Variants in PTPRM observed in about 807,000 individuals in gnomAD.
PTPRM encodes the protein receptor-type tyrosine-protein phosphatase mu.
A neutral mutation model predicts 186.7 loss-of-function variants in PTPRM; 47 were observed. That is an observed-to-expected ratio of 0.25 (90% CI 0.20 to 0.32). PTPRM has a LOEUF of 0.32. PTPRM is among the 10% of genes least tolerant of loss of function. PTPRM has a pLI of 1.00. For synonymous variants in PTPRM, 668 were observed against 674.9 expected (o/e 0.99, Z 0.16); for missense variants, 1,494 against 1,865.0 (o/e 0.80, Z 3.66).
At chr18:8,157,727 G>A (rs1308759317) in intron 14 of PTPRM, among the ~76,000 whole-genome samples, 17 of 152,184 alleles carry the variant, frequency 1.1e-4, no homozygotes, top group Non-Finnish European at 1.5e-4. Context: ...CAAAGGTCCT[G>A]GGGCATCAAT....
At chr18:8,358,500 G>A (rs1257321787) in intron 23 of PTPRM, among the ~76,000 whole-genome samples, 2 of 152,178 alleles carry the variant, frequency 1.3e-5, no homozygotes, top group East Asian at 3.8e-4. Flanking sequence ...GCTGTTGCCA[G>A]TGTTAGAAAC....
At position 8,077,565 on chromosome 18, in the gene PTPRM, A is replaced by C. The variant is rs79413949; in HGVS notation, c.1551+1001A>C. 2.0e-4 allele frequency among the ~76,000 whole-genome samples: 30 copies of C among 152,336 alleles called. 1 individual carries two copies. The highest frequency in any genetic ancestry group is 7.0e-4 in the African/African-American group (29 of 41,568). On this transcript the variant is annotated intron_variant, in intron 9 of 32. Transcript: ENST00000580170. ...CTGCTTCATTGTAAAAGAATTGAAT[A>C]TTATGAAAATTCATGGCTCAGCTTT...
At chr18:8,284,999 T>G (rs2147778114) in intron 19 of PTPRM, among the ~76,000 whole-genome samples, 1 of 152,348 alleles carries the variant, frequency 6.6e-6, no homozygotes, top group Non-Finnish European at 1.5e-5. Context: ...AGATGCTGGG[T>G]GCTGAGGATG....
At chr18:8,252,019 A>G (rs1283942395) in intron 17 of PTPRM, among the ~76,000 whole-genome samples, 1 of 152,226 alleles carries the variant, frequency 6.6e-6, no homozygotes, top group Non-Finnish European at 1.5e-5. Flanking sequence ...TTAATCTAAT[A>G]GCATTTCCCT....
intron 15 of PTPRM, among the ~76,000 whole-genome samples, chr18:8,246,950 C>A (rs2094482657): frequency 6.6e-6 from 1 of 152,082 alleles, no homozygotes; most frequent in Admixed American, 6.6e-5. Flanking sequence ...GTCTTAGTGT[C>A]CTGATGAGGA....
At chr18:8,212,659 T>C (rs2094023319) in intron 14 of PTPRM, among the ~76,000 whole-genome samples, 1 of 152,014 alleles carries the variant, frequency 6.6e-6, no homozygotes, top group Non-Finnish European at 1.5e-5. Context: ...TTTTTTTAAT[T>C]AGCTGAGTGT....
intron 2 of PTPRM, among the ~76,000 whole-genome samples, chr18:7,803,059 GA>G (rs1454770286): frequency 2.6e-5 from 4 of 152,154 alleles, no homozygotes; most frequent in African/African-American, 7.2e-5. Flanking sequence ...GAGACCACCA[GA>G]ACTGTAAGCA....
chr18:7,576,948 T>A (rs1437724838), intron 1 of PTPRM, among the ~76,000 whole-genome samples: 1 of 152,248 alleles, frequency 6.6e-6, no homozygotes. Flanking sequence ...ATACTCATAA[T>A]GTGTAAAACC....
In PTPRM at chr18:8,231,677, C is replaced by T. The variant is rs140357420; in HGVS notation, c.2301-12381C>T. On this transcript the variant is annotated intron_variant, in intron 14 of 32. Transcript: ENST00000580170. ...CCATTCCTTTAATTTGAATTCAGCG[C>T]GCATTTCTCTCCTGTCCTACCTTTA... is the stretch of plus-strand genomic sequence containing the variant. 5.9e-5 allele frequency among the ~76,000 whole-genome samples: 9 copies of T among 152,156 alleles called. No homozygotes were observed. The East Asian group carries it at 7.7e-4, about 13-fold the overall frequency.
chr18:8,399,525 AAAC>A (rs1255057687), intron 32 of PTPRM, among the ~76,000 whole-genome samples: 2 of 152,232 alleles, frequency 1.3e-5, no homozygotes, highest in Non-Finnish European at 2.9e-5. Context: ...GTAACATCAA[AAAC>A]AACAAAAAAG....
intron 11 of PTPRM, among the ~76,000 whole-genome samples, chr18:8,113,120 A>G (rs967426477): frequency 6.6e-6 from 1 of 152,220 alleles, no homozygotes; most frequent in African/African-American, 2.4e-5. Flanking sequence ...ATTTAATTGT[A>G]TTTATCAGGT....
intron 14 of PTPRM, among the ~76,000 whole-genome samples, chr18:8,178,640 A>C (rs1380802261): frequency 1.3e-5 from 2 of 151,954 alleles, no homozygotes; most frequent in Non-Finnish European, 2.9e-5. Flanking sequence ...AAAAAAAACT[A>C]GCTGGGCATG....
chr18:8,377,330 A>G (rs1364718146), intron 26 of PTPRM: 2 of 152,150 alleles, frequency 1.3e-5, no homozygotes, highest in Non-Finnish European at 2.9e-5. Flanking sequence ...ACCTAATCCC[A>G]TTTTTTTAGC....
At chr18:8,104,556 C>T (rs569221236) in intron 11 of PTPRM, among the ~76,000 whole-genome samples, 2 of 152,132 alleles carry the variant, frequency 1.3e-5, no homozygotes, top group African/African-American at 4.8e-5. Context: ...GCGATCCTCC[C>T]ACCTCAGTCT....
At chr18:7,836,424 T>G (rs565271481) in intron 2 of PTPRM, among the ~76,000 whole-genome samples, 23 of 152,216 alleles carry the variant, frequency 1.5e-4, no homozygotes, top group Non-Finnish European at 2.5e-4. Flanking sequence ...TATATCTTCT[T>G]GCACTATGTC....
At chr18:7,777,680 A>G (rs2042656716) in intron 2 of PTPRM, among the ~76,000 whole-genome samples, 1 of 152,196 alleles carries the variant, frequency 6.6e-6, no homozygotes, top group Non-Finnish European at 1.5e-5. Context: ...CTTTCAGAAG[A>G]TGTGTTTTCT....
chr18:7,892,421 A>G (rs2049128337), intron 3 of PTPRM, among the ~76,000 whole-genome samples: 1 of 152,212 alleles, frequency 6.6e-6, no homozygotes, highest in Non-Finnish European at 1.5e-5. Flanking sequence ...ATGGTCCCAT[A>G]TATTTCAGGC....
Position 7,833,751 on chromosome 18 carries a change from AC to A in PTPRM, c.197-54354del, listed in dbSNP as rs1180443033. Among the ~76,000 whole-genome samples the A allele has an allele frequency of 2.9e-3, 52 of 17,702 alleles. 2 individuals carry two copies. In the East Asian group the frequency reaches 0.45, roughly 153 times the overall value. The allele number at this position is 17,702 out of a possible 152,430, so 11.6% of individuals were successfully genotyped here. On this transcript the variant is annotated intron_variant, in intron 2 of 32. Coordinates refer to ENST00000580170, the MANE Select transcript of PTPRM (RefSeq NM_001105244.2). ...CTCTGTCTCAGAAAGAAAAACAACAACAACAACAACAACAACAACAACAACA... is the reference window on the plus strand; with the variant it reads ...CTCTGTCTCAGAAAGAAAAACAACAAAACAACAACAACAACAACAACAACA...
chr18:7,846,594 G>A (rs2046608849), intron 2 of PTPRM, among the ~76,000 whole-genome samples: 2 of 152,200 alleles, frequency 1.3e-5, no homozygotes, highest in Admixed American at 6.5e-5. Flanking sequence ...ATCCTTACAG[G>A]ATTGTTATTG....
Sources: gnomAD v4.1 joint callset for allele counts (sites outside exome capture counted in the v4.1 genomes callset) on GRCh38, gnomAD v4.1.1 for gene constraint, MANE v1.5 for transcripts, NCBI Gene and HGNC (gene_info 2026-07-23, HGNC 2026-07-21) for gene names.